Variants in KAZN observed in about 807,000 individuals in gnomAD.
KAZN encodes kazrin.
Under a neutral mutation model 87.4 loss-of-function variants are expected in KAZN, and 40 were observed. The observed-to-expected ratio is 0.46, with a 90% confidence interval of 0.36 to 0.60. The LOEUF (loss-of-function observed/expected upper bound fraction) is 0.60. KAZN is among the 20% of genes least tolerant of loss of function. The pLI is 0.00. For synonymous variants in KAZN, 466 were observed against 458.3 expected (o/e 1.02, Z -0.22); for missense variants, 898 against 1,073.9 (o/e 0.84, Z 2.29).
chr1:14,206,443 A>G (rs1646746983), intron 2 of KAZN, among the ~76,000 whole-genome samples: 1 of 152,144 alleles, frequency 6.6e-6, no homozygotes, highest in Admixed American at 6.5e-5. Flanking sequence ...CTTTGGTAAA[A>G]TTGTCCTATT....
At chr1:14,214,481 CCTT>C (rs1161442963) in intron 2 of KAZN, among the ~76,000 whole-genome samples, 3 of 152,130 alleles carry the variant, frequency 2.0e-5, no homozygotes, top group Admixed American at 2.0e-4. Context: ...ACAATCTCAA[CCTT>C]CTTACTCTAC....
At chr1:14,642,841 T>TA (rs1004392589) in intron 1 of KAZN, among the ~76,000 whole-genome samples, 4 of 151,948 alleles carry the variant, frequency 2.6e-5, no homozygotes, top group African/African-American at 7.3e-5. Context: ...TATAAGGGTT[T>TA]AAAAAAAATG....
intron 8 of KAZN, among the ~76,000 whole-genome samples, chr1:15,092,027 A>T (rs1183267352): frequency 1.4e-5 from 2 of 144,410 alleles, no homozygotes; most frequent in African/African-American, 5.2e-5. Flanking sequence ...GAATTTCAGC[A>T]GGGTCATTTC....
At chr1:14,323,723 C>A (rs1656208869) in intron 2 of KAZN, among the ~76,000 whole-genome samples, 1 of 152,102 alleles carries the variant, frequency 6.6e-6, no homozygotes, top group South Asian at 2.1e-4. Context: ...AGATATTTGG[C>A]CCAATTGATA....
At chr1:14,056,991 C>G (rs1466437173) in intron 1 of KAZN, among the ~76,000 whole-genome samples, 2 of 146,770 alleles carry the variant, frequency 1.4e-5, no homozygotes, top group Non-Finnish European at 3.0e-5. Context: ...TTGCAGTGAG[C>G]TGTGATCACA....
At chr1:14,205,445 C>T (rs1557559301) in intron 2 of KAZN, among the ~76,000 whole-genome samples, 1 of 152,096 alleles carries the variant, frequency 6.6e-6, no homozygotes, top group Non-Finnish European at 1.5e-5. Context: ...TCCCATTGTT[C>T]CATGCCCTAG....
intron 2 of KAZN, among the ~76,000 whole-genome samples, chr1:14,261,163 G>C (rs1301318733): frequency 6.6e-6 from 1 of 152,212 alleles, no homozygotes; most frequent in Non-Finnish European, 1.5e-5. Flanking sequence ...GACTTCTTGG[G>C]TTCAAATCCT....
chr1:14,422,829 TCC>T (rs1471522816), intron 2 of KAZN, among the ~76,000 whole-genome samples: 2 of 152,190 alleles, frequency 1.3e-5, no homozygotes, highest in Admixed American at 1.3e-4. Flanking sequence ...CAGATTCTAA[TCC>T]CCAAGGCTTT....
chr1:14,741,781 A>T (rs541733151), intron 1 of KAZN, among the ~76,000 whole-genome samples: 1 of 152,182 alleles, frequency 6.6e-6, no homozygotes, highest in Non-Finnish European at 1.5e-5. Context: ...CTTTCAAGGC[A>T]TATTAAACAA....
chr1:14,179,581 G>A (rs1172103827), intron 1 of KAZN, among the ~76,000 whole-genome samples: 3 of 152,166 alleles, frequency 2.0e-5, no homozygotes, highest in Admixed American at 2.0e-4. Flanking sequence ...CAAATGCAGT[G>A]GCTTTATGGA....
chr1:14,924,449 G>GCCGGGCCCGCGCGGCCCCCGGGAC, intron 1 of KAZN: 8 of 988,490 alleles, frequency 8.1e-6, no homozygotes, highest in Non-Finnish European at 9.6e-6. Context: ...CGGGGCGGGG[G>GCCGGGCCCGCGCGGCCCCCGGGAC]CCGGGCCCGC....
At chr1:14,580,421 G>A (rs1675470167) in intron 2 of KAZN, among the ~76,000 whole-genome samples, 1 of 152,150 alleles carries the variant, frequency 6.6e-6, no homozygotes, top group Admixed American at 6.5e-5. Context: ...GTTGCGGTGA[G>A]CCGAGATCGT....
chr1:14,118,226 A>G (rs990126552), intron 1 of KAZN, among the ~76,000 whole-genome samples: 2 of 152,318 alleles, frequency 1.3e-5, no homozygotes, highest in Middle Eastern at 3.4e-3. Flanking sequence ...TTCTGTGCTA[A>G]ATACTTTACT....
chr1:13,985,574 G>A (rs1638977750), intron 1 of KAZN, among the ~76,000 whole-genome samples: 1 of 104,990 alleles, frequency 9.5e-6, no homozygotes, highest in Non-Finnish European at 1.8e-5. Flanking sequence ...GGGGAGGGGG[G>A]AGGGATAGCA....
chr1:13,955,988 C>G (rs952857514), intron 1 of KAZN, among the ~76,000 whole-genome samples: 1 of 152,198 alleles, frequency 6.6e-6, no homozygotes, highest in Admixed American at 6.5e-5. Flanking sequence ...GTCTGCTCAT[C>G]ATGAGCGCCC....
At chr1:14,451,654 T>C (rs1424830235) in intron 2 of KAZN, among the ~76,000 whole-genome samples, 2 of 151,986 alleles carry the variant, frequency 1.3e-5, no homozygotes, top group East Asian at 1.9e-4. Context: ...TTTAAATACT[T>C]GCTTTTAATT....
chr1:14,794,423 G>A (rs914553529), intron 1 of KAZN, among the ~76,000 whole-genome samples: 15 of 150,650 alleles, frequency 1.0e-4, no homozygotes, highest in African/African-American at 3.4e-4. Context: ...GCCATTCCAA[G>A]GCTGTGGGCC....
chr1:14,654,286 T>TAAAAAAAA (rs1638644498), intron 1 of KAZN, among the ~76,000 whole-genome samples: 1 of 58,268 alleles, frequency 1.7e-5, no homozygotes, highest in African/African-American at 1.2e-4. Flanking sequence ...AGGCTTCGTC[T>TAAAAAAAA]CAAAAAAAAA....
intron 1 of KAZN, among the ~76,000 whole-genome samples, chr1:13,958,430 C>T (rs952583757): frequency 3.3e-5 from 5 of 151,754 alleles, no homozygotes; most frequent in East Asian, 1.9e-4. Context: ...AAAAATTAGC[C>T]GGGCATAGTG....
Sources: allele counts gnomAD v4.1 joint callset (sites outside exome capture counted in the v4.1 genomes callset), GRCh38; gene constraint gnomAD v4.1.1; transcripts MANE v1.5; gene names NCBI Gene and HGNC (gene_info 2026-07-23, HGNC 2026-07-21).